Variants in POLQ observed in about 807,000 individuals in gnomAD.
POLQ encodes the protein DNA polymerase theta, also known as epididymis secretory sperm binding protein.
In POLQ, 233 loss-of-function variants were observed where a neutral mutation model predicts 259.2. The observed-to-expected ratio is 0.90, with a 90% CI of 0.81 to 1.00. The LOEUF (loss-of-function observed/expected upper bound fraction) is 1.00. Among genes scored for constraint, POLQ ranks in the 50% least tolerant of loss-of-function variants. The probability of loss-of-function intolerance (pLI) is 0.00; values close to 1 mark genes in which losing one functional copy is unlikely to be tolerated. For synonymous variants in POLQ, 1,025 were observed against 1,048.8 expected (o/e 0.98, Z 0.44); for missense variants, 2,871 against 3,051.6 (o/e 0.94, Z 1.39).
At chr3:121,436,311 T>C (rs1211282840) in intron 27 of POLQ, 36 bp from the exon 28 acceptor site, 3 of 1,606,986 alleles carry the variant, frequency 1.9e-6, no homozygotes, top group East Asian at 2.2e-5. Flanking sequence ...CCACCAGATA[T>C]GCCAACATGG....
Position 121,539,529 on chromosome 3 carries a change from T to C in POLQ, c.535A>G (p.Arg179Gly), listed in dbSNP as rs754967445. The C allele has an allele frequency of 6.2e-7, 1 of 1,612,590 alleles. No homozygotes were observed. Among genetic ancestry groups the C allele is most frequent in the East Asian group, 2.2e-5 (1 of 44,866 alleles). ...DGYMGSTSPS[R>G]HFSSLDIAVC... ...GCAATATCCAATGAAGAGAAATGCC[T>C]TGATGGAGAGGTGCTGCCCATATAA... The change falls in exon 4 of 30, where the codon AGG becomes GGG. Residue 179 changes from arginine to glycine, a missense_variant. This residue lies in a region of POLQ where 783 missense variants were observed against 906.2 expected (regional missense o/e 0.86). Transcript: ENST00000264233.
intron 7 of POLQ, among the ~76,000 whole-genome samples, chr3:121,525,373 T>C (rs1031359687): frequency 1.3e-5 from 2 of 150,260 alleles, no homozygotes; most frequent in South Asian, 4.2e-4. Flanking sequence ...AAAGAGAAAA[T>C]ACATTTACTA....
chr3:121,459,980 A>T, intron 25 of POLQ, 70 bp downstream of exon 25: 1 of 1,179,016 alleles, frequency 8.5e-7, no homozygotes, highest in Non-Finnish European at 1.3e-6. Flanking sequence ...CAAATAATTG[A>T]GACCATTTTT....
At chr3:121,449,696 T>C (rs748469800) in intron 25 of POLQ, among the ~76,000 whole-genome samples, 6 of 152,220 alleles carry the variant, frequency 3.9e-5, no homozygotes, top group Non-Finnish European at 8.8e-5. Flanking sequence ...TATTTTTGAC[T>C]ATTTGTCCTT....
chr3:121,493,257 G>A (rs1044173714), intron 15 of POLQ, among the ~76,000 whole-genome samples: 4 of 151,140 alleles, frequency 2.6e-5, no homozygotes, highest in African/African-American at 4.9e-5. Flanking sequence ...AGCCGAGATC[G>A]CACCATTGCA....
chr3:121,483,413 G>C lies in POLQ; in HGVS notation c.5943C>G (p.Ser1981=), dbSNP rs140833780. 364 of 1,581,254 alleles carry C rather than the reference G, an allele frequency of 2.3e-4. 2 individuals carry two copies. The highest frequency in any genetic ancestry group is 3.4e-4 in the Middle Eastern group (2 of 5,900). Residue 1981 remains serine, a synonymous_variant, in exon 18 of 30, where the codon TCC becomes TCG. Transcript: ENST00000264233. The part of the protein sequence containing the change: ...YKILLLSCGI[S]LEQSYEDPKV... ...TAGGATCTTCATAACTTTGCTCCAA[G>C]GAGATGCCACAAGAAAGAAGAAGAA... is the stretch of plus-strand genomic sequence containing the variant.
rs369158120 is a variant in POLQ, at chr3:121,444,455, A to C, written c.7265-4339T>G. 1.2e-4 allele frequency among the ~76,000 whole-genome samples: 19 copies of C among 152,262 alleles called. No homozygotes were observed. The South Asian group carries it at 2.7e-3, about 22-fold the overall frequency. On this transcript the variant is annotated intron_variant, in intron 26 of 29. Coordinates refer to ENST00000264233, the MANE Select transcript of POLQ (RefSeq NM_199420.4). ...TATGTTGATCTTGTATCCTGCAACT[A>C]TACTAAGGAATTTGTTTATCAGTTC...
chr3:121,455,707 A>G (rs1464104256), intron 25 of POLQ, among the ~76,000 whole-genome samples: 2 of 152,224 alleles, frequency 1.3e-5, no homozygotes, highest in Non-Finnish European at 2.9e-5. Context: ...CTCTGAATAG[A>G]CCAATAACAG....
At chr3:121,540,461 A>G (rs1203099517) in intron 3 of POLQ, among the ~76,000 whole-genome samples, 1 of 152,220 alleles carries the variant, frequency 6.6e-6, no homozygotes, top group African/African-American at 2.4e-5. Flanking sequence ...AGAAATCACA[A>G]CAGTAAATTT....
At chr3:121,441,425 C>A (rs887280373) in intron 26 of POLQ, among the ~76,000 whole-genome samples, 2 of 152,194 alleles carry the variant, frequency 1.3e-5, no homozygotes, top group Admixed American at 6.5e-5. Flanking sequence ...ACTCACTCAT[C>A]TGCTTTATGA....
chr3:121,436,411 C>CTATT (rs1343835215), intron 27 of POLQ, 136 bp from the exon 28 acceptor site: 4 of 717,026 alleles, frequency 5.6e-6, no homozygotes, highest in Admixed American at 2.5e-5. Context: ...AGAACACCAA[C>CTATT]TATTAGGCTG....
At chr3:121,482,869 C>T (rs1159637398) in intron 18 of POLQ, among the ~76,000 whole-genome samples, 5 of 152,150 alleles carry the variant, frequency 3.3e-5, no homozygotes, top group African/African-American at 1.2e-4. Context: ...TAACATGTTT[C>T]TTAACTGAGT....
At chr3:121,467,807 G>A (rs1485469879) in intron 23 of POLQ, among the ~76,000 whole-genome samples, 167 bp from the exon 24 acceptor site, 2 of 152,220 alleles carry the variant, frequency 1.3e-5, no homozygotes, top group African/African-American at 2.4e-5. Context: ...TTGGGAAGCC[G>A]AGGCGAGTAG....
intron 24 of POLQ, among the ~76,000 whole-genome samples, chr3:121,464,555 GA>G (rs1208509864): frequency 7.1e-6 from 1 of 141,474 alleles, no homozygotes; most frequent in Non-Finnish European, 1.6e-5. Context: ...ATACTCCTTT[GA>G]ATTTGACATA....
chr3:121,488,986 G>A lies in POLQ; in HGVS notation c.3945C>T (p.Leu1315=). The change falls in exon 16 of 30, where the codon CTC becomes CTT. Residue 1315 remains leucine (L), a synonymous_variant. Transcript: ENST00000264233. The part of the protein sequence containing the change: ...NNHVSDLGLV[L]CDFEDSFYLD... Reference sequence around the variant, plus strand: ...GATAGAAACTATCTTCAAAATCACAGAGGACTAAACCTAAGTCAGAAACAT... The same window carrying A: ...GATAGAAACTATCTTCAAAATCACAAAGGACTAAACCTAAGTCAGAAACAT... 1 of 1,613,450 alleles carries A rather than the reference G, an allele frequency of 6.2e-7. No homozygotes were observed. The highest frequency in any genetic ancestry group is 8.5e-7 in the Non-Finnish European group (1 of 1,179,386).
At chr3:121,513,429 C>T (rs946659642) in intron 9 of POLQ, among the ~76,000 whole-genome samples, 1 of 151,498 alleles carries the variant, frequency 6.6e-6, no homozygotes, top group African/African-American at 2.4e-5. Flanking sequence ...TGGTGAAACC[C>T]CGCCTCTACT....
chr3:121,540,741 C>A lies in POLQ; in HGVS notation c.474+608G>T, dbSNP rs141327421. Among the ~76,000 whole-genome samples, 6 of 152,152 alleles carry A rather than the reference C, an allele frequency of 3.9e-5. No individual in the cohort carries two copies. In the South Asian group the frequency reaches 1.2e-3, roughly 32 times the overall value. On this transcript the variant is annotated intron_variant, in intron 3 of 29. Coordinates refer to ENST00000264233, the MANE Select transcript of POLQ (RefSeq NM_199420.4). ...CAGTTAAATGCTGATTCTTAATGTGCGTGTTTATATGCTAGTTTAAATATT... is the reference window on the plus strand; with the variant it reads ...CAGTTAAATGCTGATTCTTAATGTGAGTGTTTATATGCTAGTTTAAATATT...
chr3:121,468,852 TTTC>T (rs1196127730), intron 22 of POLQ, among the ~76,000 whole-genome samples: 2 of 152,204 alleles, frequency 1.3e-5, no homozygotes, highest in Non-Finnish European at 2.9e-5. Flanking sequence ...TCTGGCTGTT[TTTC>T]TTCATCATTG....
At chr3:121,530,145 T>C (rs188497774) in intron 6 of POLQ, among the ~76,000 whole-genome samples, 16 of 152,230 alleles carry the variant, frequency 1.1e-4, no homozygotes, top group African/African-American at 3.9e-4. Context: ...CTTAAAATGA[T>C]TGGACTTTAT....
Sources: allele counts gnomAD v4.1 joint callset (sites outside exome capture counted in the v4.1 genomes callset), GRCh38; gene constraint gnomAD v4.1.1; regional missense constraint gnomAD v4.1.1; transcripts MANE v1.5; gene names NCBI Gene and HGNC (gene_info 2026-07-23, HGNC 2026-07-21).